Variants in DNAJC1 observed in about 807,000 individuals in gnomAD.
DNAJC1 encodes DnaJ heat shock protein family (Hsp40) member C1.
Under a neutral mutation model 76.6 loss-of-function variants are expected in DNAJC1, and 58 were observed. The observed-to-expected ratio is 0.76, with a 90% CI of 0.61 to 0.94. The LOEUF is 0.94. DNAJC1 is among the 40% of genes least tolerant of loss of function. The probability of loss-of-function intolerance (pLI) is 0.00; values close to 1 mark genes in which losing one functional copy is unlikely to be tolerated. For synonymous variants in DNAJC1, 258 were observed against 267.9 expected (o/e 0.96, Z 0.36); for missense variants, 689 against 677.3 (o/e 1.02, Z -0.19).
At chr10:21,916,558 T>C (rs1435691132) in intron 6 of DNAJC1, among the ~76,000 whole-genome samples, 1 of 152,194 alleles carries the variant, frequency 6.6e-6, no homozygotes, top group African/African-American at 2.4e-5. Flanking sequence ...AGTACACGTT[T>C]TAAAAGTTTA....
chr10:21,792,914 C>T (rs772473433), intron 9 of DNAJC1, among the ~76,000 whole-genome samples: 1 of 152,052 alleles, frequency 6.6e-6, no homozygotes, highest in African/African-American at 2.4e-5. Flanking sequence ...ATCATGTGAT[C>T]ATCTCAATAG....
At chr10:21,833,012 C>T (rs533929885) in intron 8 of DNAJC1, among the ~76,000 whole-genome samples, 1 of 152,316 alleles carries the variant, frequency 6.6e-6, no homozygotes, top group African/African-American at 2.4e-5. Context: ...CACCCCACTT[C>T]TAAATCTTTC....
chr10:21,872,463 A>G (rs1836120508), intron 8 of DNAJC1, among the ~76,000 whole-genome samples: 1 of 152,208 alleles, frequency 6.6e-6, no homozygotes, highest in East Asian at 1.9e-4. Context: ...CAAATTCAGA[A>G]TATCAACAGA....
At chr10:21,974,338 G>A (rs1838029941) in intron 1 of DNAJC1, among the ~76,000 whole-genome samples, 2 of 152,100 alleles carry the variant, frequency 1.3e-5, no homozygotes, top group Non-Finnish European at 1.5e-5. Context: ...AAATCAGTAC[G>A]GCCATTTTGG....
intron 1 of DNAJC1, 112 bp downstream of exon 1, chr10:22,003,101 A>AG: frequency 7.5e-7 from 1 of 1,339,096 alleles, no homozygotes; most frequent in Non-Finnish European, 9.6e-7. Flanking sequence ...GGGCAGCCAG[A>AG]GCCCGGGGTG....
chr10:21,905,903 T>A (rs1010207199), intron 6 of DNAJC1, among the ~76,000 whole-genome samples: 1 of 152,168 alleles, frequency 6.6e-6, no homozygotes, highest in Non-Finnish European at 1.5e-5. Context: ...TAGACCCATC[T>A]GAGAGAGCTT....
At chr10:21,853,347 C>T (rs1835784827) in intron 8 of DNAJC1, among the ~76,000 whole-genome samples, 1 of 152,032 alleles carries the variant, frequency 6.6e-6, no homozygotes, top group East Asian at 1.9e-4. Context: ...GAAAGTGAGT[C>T]TTTCATGGTA....
chr10:21,843,410 T>C (rs1000679236), intron 8 of DNAJC1, among the ~76,000 whole-genome samples: 3 of 150,898 alleles, frequency 2.0e-5, no homozygotes, highest in Admixed American at 6.6e-5. Context: ...TTTTTTTTTT[T>C]TGAGACAGAG....
At chr10:21,770,359 C>G (rs974246623) in intron 9 of DNAJC1, among the ~76,000 whole-genome samples, 3 of 145,552 alleles carry the variant, frequency 2.1e-5, no homozygotes, top group African/African-American at 7.6e-5. Flanking sequence ...GGTCATTTAA[C>G]TTTTTATTAT....
chr10:21,997,042 T>C (rs1044505284), intron 1 of DNAJC1, among the ~76,000 whole-genome samples: 4 of 152,168 alleles, frequency 2.6e-5, no homozygotes, highest in Non-Finnish European at 5.9e-5. Flanking sequence ...AAGCTATTAT[T>C]ACACAACACA....
At chr10:21,862,593 T>C (rs1446234381) in intron 8 of DNAJC1, among the ~76,000 whole-genome samples, 1 of 151,862 alleles carries the variant, frequency 6.6e-6, no homozygotes, top group Non-Finnish European at 1.5e-5. Flanking sequence ...CACGCCTGGC[T>C]AATTTTTGTA....
At chr10:21,979,733 G>T (rs1286676443) in intron 1 of DNAJC1, among the ~76,000 whole-genome samples, 1 of 150,444 alleles carries the variant, frequency 6.6e-6, no homozygotes, top group Admixed American at 6.6e-5. Flanking sequence ...TTTCACCATG[G>T]CTTTACCTTC....
Position 21,898,538 on chromosome 10 carries a change from T to TTACTA in DNAJC1, c.820+5979_820+5983dup, listed in dbSNP as rs1471623231. Among the ~76,000 whole-genome samples the TTACTA allele has an allele frequency of 2.1e-4, 32 of 151,994 alleles. No homozygotes were observed. In the East Asian group the frequency reaches 5.0e-3, roughly 24 times the overall value. On this transcript the variant is annotated intron_variant, in intron 7 of 11. Transcript: ENST00000376980. ...ATAAGCATGTTATTAGGTTATGTATTTACTATACTATACTTTTTTTTTTTT... is the reference window on the plus strand; with the variant it reads ...ATAAGCATGTTATTAGGTTATGTATTTACTATACTATACTATACTTTTTTTTTTTT...
intron 5 of DNAJC1, 42 bp from the exon 6 acceptor site, chr10:21,918,914 G>A: frequency 7.2e-7 from 1 of 1,394,450 alleles, no homozygotes; most frequent in Non-Finnish European, 1.0e-6. Flanking sequence ...AACATATGAG[G>A]AATATACAGA....
At position 22,003,482 on chromosome 10, in the gene DNAJC1, G is replaced by A; in HGVS notation, c.-48C>T. 2 of 1,310,946 alleles carry A rather than the reference G, an allele frequency of 1.5e-6. No homozygotes were observed. Among genetic ancestry groups the A allele is most frequent in the East Asian group, 3.2e-5 (1 of 31,570 alleles). The allele number at this position is 1,310,946 out of a possible 1,614,324, so 81.2% of individuals were successfully genotyped here. A position where few individuals can be genotyped will look rare whatever the true frequency, so the allele number is the denominator to read the frequency against. On this transcript the variant is annotated 5_prime_UTR_variant, in exon 1 of 12. Coordinates refer to ENST00000376980, the MANE Select transcript of DNAJC1 (RefSeq NM_022365.4). ...CCCGCCGCGCAGCTCCGTTGGCCGA[G>A]AGCTGGGACGTGGCGGGCGGCGCTG... is the stretch of plus-strand genomic sequence containing the variant.
intron 8 of DNAJC1, among the ~76,000 whole-genome samples, chr10:21,869,402 G>A (rs899354072): frequency 6.6e-6 from 1 of 151,970 alleles, no homozygotes; most frequent in Non-Finnish European, 1.5e-5. Context: ...TCCCAATCAG[G>A]AAATCTTTGA....
In DNAJC1 at chr10:21,919,880, C is replaced by CT. The variant is rs1359777344; in HGVS notation, c.586dup (p.Ser196LysfsTer16). 8 of 1,608,836 alleles carry CT rather than the reference C, an allele frequency of 5.0e-6. No individual in the cohort carries two copies. Among genetic ancestry groups the CT allele is most frequent in the Non-Finnish European group, 6.8e-6 (8 of 1,178,624 alleles). ...GAGTTTTGATACATCCACACTCTTG[C>CT]TGCCAGTCTTTTTTTTCTTTTCTCT... On this transcript the variant is annotated frameshift_variant, in exon 5 of 12. Coordinates refer to ENST00000376980, the MANE Select transcript of DNAJC1 (RefSeq NM_022365.4). LOFTEE classifies it high-confidence loss of function.
intron 9 of DNAJC1, among the ~76,000 whole-genome samples, chr10:21,789,882 C>T (rs964745997): frequency 2.6e-5 from 4 of 151,492 alleles, no homozygotes; most frequent in Non-Finnish European, 2.9e-5. Context: ...GGGTGGTGCA[C>T]GCCTGTAATC....
intron 1 of DNAJC1, among the ~76,000 whole-genome samples, chr10:21,987,073 T>C (rs924654965): frequency 3.3e-5 from 5 of 152,160 alleles, no homozygotes; most frequent in Admixed American, 6.5e-5. Context: ...GCCCAATGTA[T>C]AGTTTTTAAC....
Sources: gnomAD v4.1 joint callset for allele counts (sites outside exome capture counted in the v4.1 genomes callset) on GRCh38, gnomAD v4.1.1 for gene constraint, MANE v1.5 for transcripts, NCBI Gene and HGNC (gene_info 2026-07-23, HGNC 2026-07-21) for gene names.